The following DAB1 variants were observed in gnomAD, a reference collection of about 807,000 sequenced individuals.
DAB1 encodes the protein disabled homolog 1.
In DAB1, 15 loss-of-function variants were observed where a neutral mutation model predicts 64.6. That is an observed-to-expected ratio of 0.23 (90% confidence interval 0.16 to 0.36). The LOEUF is 0.36. Ranked by LOEUF, DAB1 falls within the 10% of genes least tolerant of loss-of-function variation. The probability of loss-of-function intolerance (pLI) is 1.00; values close to 1 mark genes in which losing one functional copy is unlikely to be tolerated. For synonymous variants in DAB1, 235 were observed against 251.9 expected, an observed-to-expected ratio of 0.93 and a Z score of 0.64; for missense variants, 596 against 706.7, an observed-to-expected ratio of 0.84 and a Z score of 1.78.
At chr1:57,296,961 T>A (rs1243716305) in intron 1 of DAB1, among the ~76,000 whole-genome samples, 1 of 152,224 alleles carries the variant, frequency 6.6e-6, no homozygotes, top group Non-Finnish European at 1.5e-5. Context: ...GGAAACTTTG[T>A]AATTATACAG....
chr1:57,513,166 A>C (rs954370409), intron 7 of DAB1, among the ~76,000 whole-genome samples: 2 of 151,452 alleles, frequency 1.3e-5, no homozygotes, highest in Non-Finnish European at 2.9e-5. Context: ...TTTCAATCAC[A>C]TGATCCATTG....
intron 4 of DAB1, among the ~76,000 whole-genome samples, chr1:58,168,107 C>T (rs1489996113): frequency 4.6e-5 from 7 of 152,146 alleles, no homozygotes; most frequent in Middle Eastern, 3.2e-3. Flanking sequence ...GGCTAAATAC[C>T]GGGCACCTGT....
At position 57,497,668 on chromosome 1, in the gene DAB1, A is replaced by G. The variant is rs904011477; in HGVS notation, n.625+151924T>C. Among the ~76,000 whole-genome samples, 20 of 152,350 alleles carry G rather than the reference A, an allele frequency of 1.3e-4. 1 individual carries two copies. Among genetic ancestry groups the G allele is most frequent in the African/African-American group, 4.6e-4 (19 of 41,582 alleles). On this transcript the variant is annotated intron_variant and non_coding_transcript_variant, in intron 7 of 20. Transcript: ENST00000485760. ...AGGGTGTACGCTAGGTAAAGAGTAG[A>G]AGATGAATGTCTCAATGGAGGAAAT...
Position 57,150,750 on chromosome 1 carries a change from G to A in DAB1, c.68-5321C>T, listed in dbSNP as rs373108886. Reference sequence around the variant, plus strand: ...CAAGAGGTAGGGAAGAAGGTGAGAAGCTTTCCAGATAAACAAAATGTACAA... The same window carrying A: ...CAAGAGGTAGGGAAGAAGGTGAGAAACTTTCCAGATAAACAAAATGTACAA... On this transcript the variant is annotated intron_variant, in intron 2 of 14. Coordinates refer to ENST00000371236, the MANE Select transcript of DAB1 (RefSeq NM_001365792.1). Among the ~76,000 whole-genome samples, 43 of 152,278 alleles carry A rather than the reference G, an allele frequency of 2.8e-4. 1 individual carries two copies. In the South Asian group the frequency reaches 6.4e-3, roughly 23 times the overall value.
At chr1:57,813,759 G>A (rs1443275635) in intron 6 of DAB1, among the ~76,000 whole-genome samples, 1 of 152,172 alleles carries the variant, frequency 6.6e-6, no homozygotes, top group Non-Finnish European at 1.5e-5. Context: ...CTGATCCGCT[G>A]CAGCTCTCCA....
rs942213970 is a variant in DAB1, at chr1:57,976,816, G to A, written n.388-92654C>T. Among the ~76,000 whole-genome samples, 22 of 152,216 alleles carry A rather than the reference G, an allele frequency of 1.4e-4. 1 individual carries two copies. The highest frequency in any genetic ancestry group is 5.3e-4 in the African/African-American group (22 of 41,530). On this transcript the variant is annotated intron_variant and non_coding_transcript_variant, in intron 5 of 20. Transcript: ENST00000485760. ...GGTGCCATCCCTAATGCCTCTCTTTGCCTCACTCATCACATGCAATTTGAC... is the reference window on the plus strand; with the variant it reads ...GGTGCCATCCCTAATGCCTCTCTTTACCTCACTCATCACATGCAATTTGAC...
intron 5 of DAB1, chr1:58,049,413 A>C: frequency 4.5e-6 from 2 of 443,778 alleles, no homozygotes; most frequent in African/African-American, 2.0e-5. Flanking sequence ...GATAATAATT[A>C]TGCTCAGAGT....
At chr1:57,651,846 AC>A (rs1363139565) in intron 6 of DAB1, among the ~76,000 whole-genome samples, 2 of 152,298 alleles carry the variant, frequency 1.3e-5, no homozygotes, top group East Asian at 3.9e-4. Flanking sequence ...TGTTAGTGAA[AC>A]CATCTTTGCA....
Position 57,435,046 on chromosome 1 carries a change from C to CTTTTTTTTT in DAB1, n.626-143889_626-143881dup, listed in dbSNP as rs71580850. Among the ~76,000 whole-genome samples the CTTTTTTTTT allele has an allele frequency of 4.9e-3, 458 of 93,070 alleles. 2 individuals carry two copies. The highest frequency in any genetic ancestry group is 6.2e-3 in the Non-Finnish European group (310 of 49,954). The allele number at this position is 93,070 out of a possible 152,430, so 61.1% of individuals were successfully genotyped here. A position where few individuals can be genotyped will look rare whatever the true frequency, so the allele number is the denominator to read the frequency against. ...GACTCTCTTTTTCTTTTCTTTTTTT[C>CTTTTTTTTT]TTTTTTTTTTTTTTTTTTTTGAGAG... On this transcript the variant is annotated intron_variant and non_coding_transcript_variant, in intron 7 of 20. Coordinates refer to the DAB1 transcript ENST00000485760.
chr1:58,381,893 AT>A (rs1644393100), intron 3 of DAB1, among the ~76,000 whole-genome samples: 2 of 102,832 alleles, frequency 1.9e-5, no homozygotes, highest in South Asian at 7.0e-4. Flanking sequence ...GAATGACACC[AT>A]CAAAGAAGTG....
chr1:57,912,238 A>G (rs1256509426), intron 5 of DAB1, among the ~76,000 whole-genome samples: 1 of 152,122 alleles, frequency 6.6e-6, no homozygotes, highest in African/African-American at 2.4e-5. Context: ...ACTTTCCTTC[A>G]CAGCATTCAC....
chr1:58,507,374 C>T (rs1015536730), intron 2 of DAB1, among the ~76,000 whole-genome samples: 1 of 151,918 alleles, frequency 6.6e-6, no homozygotes, highest in African/African-American at 2.4e-5. Flanking sequence ...ATTAATAGAA[C>T]ACTGCATGCT....
intron 5 of DAB1, among the ~76,000 whole-genome samples, chr1:57,995,371 T>C (rs1646408687): frequency 6.6e-6 from 1 of 152,186 alleles, no homozygotes; most frequent in African/African-American, 2.4e-5. Context: ...TGTGCAGGAA[T>C]TGCCAGGGAC....
chr1:57,215,499 C>G (rs1191798098), intron 2 of DAB1, among the ~76,000 whole-genome samples: 1 of 152,174 alleles, frequency 6.6e-6, no homozygotes, highest in African/African-American at 2.4e-5. Context: ...CAGAAACTTT[C>G]TGAGCACACA....
rs540547300 is a variant in DAB1, at chr1:58,516,497, T to C, written n.108-10288A>G. 3.9e-5 allele frequency among the ~76,000 whole-genome samples: 6 copies of C among 152,322 alleles called. No homozygotes were observed. In the South Asian group the frequency reaches 8.3e-4, roughly 21 times the overall value. The stretch of plus-strand genomic sequence containing the variant: ...TACATGTTGGTCTTACCAGTGATTA[T>C]TAATTCTATATTAATCATTCTGATA... On this transcript the variant is annotated intron_variant and non_coding_transcript_variant, in intron 2 of 20. Transcript: ENST00000485760.
intron 4 of DAB1, among the ~76,000 whole-genome samples, chr1:58,202,070 A>C (rs548381339): frequency 6.6e-6 from 1 of 152,334 alleles, no homozygotes; most frequent in East Asian, 1.9e-4. Context: ...AATGGCTGTG[A>C]AGATTAAACA....
chr1:57,380,353 C>T (rs1436169588), intron 1 of DAB1, among the ~76,000 whole-genome samples: 1 of 152,172 alleles, frequency 6.6e-6, no homozygotes, highest in African/African-American at 2.4e-5. Flanking sequence ...ATAGTGGCTA[C>T]CATTATTAAC....
intron 3 of DAB1, among the ~76,000 whole-genome samples, chr1:58,460,013 C>T (rs1190717212): frequency 6.6e-6 from 1 of 152,082 alleles, no homozygotes; most frequent in Admixed American, 6.6e-5. Context: ...AAGTCCAGTC[C>T]AACCTGGACT....
chr1:57,131,361 G>A (rs1657639515), intron 4 of DAB1, among the ~76,000 whole-genome samples: 1 of 152,150 alleles, frequency 6.6e-6, no homozygotes, highest in Non-Finnish European at 1.5e-5. Flanking sequence ...AAATGAGACA[G>A]ATCCATGAAA....
Sources: gnomAD v4.1 joint callset for allele counts (sites outside exome capture counted in the v4.1 genomes callset) on GRCh38, gnomAD v4.1.1 for gene constraint, MANE v1.5 for transcripts, NCBI Gene and HGNC (gene_info 2026-07-23, HGNC 2026-07-21) for gene names.